LSAMP: variants seen among roughly 807,000 people sequenced by gnomAD.
LSAMP encodes the protein limbic system associated membrane protein, also known as limbic system-associated membrane protein.
Under a neutral mutation model 38.6 loss-of-function variants are expected in LSAMP, and 7 were observed. The ratio of observed to expected loss-of-function variants is 0.18; its 90% CI spans 0.10 to 0.34. The LOEUF (loss-of-function observed/expected upper bound fraction) is 0.34. Ranked by LOEUF, LSAMP falls within the 10% of genes least tolerant of loss-of-function variation. The probability of loss-of-function intolerance (pLI) is 1.00; values close to 1 mark genes in which losing one functional copy is unlikely to be tolerated. For synonymous variants in LSAMP, 154 were observed against 166.8 expected (o/e 0.92, Z 0.59); for missense variants, 313 against 420.0 (o/e 0.75, Z 2.23).
intron 1 of LSAMP, among the ~76,000 whole-genome samples, chr3:116,303,880 A>G (rs1559820890): frequency 6.6e-6 from 1 of 152,172 alleles, no homozygotes; most frequent in Non-Finnish European, 1.5e-5. Flanking sequence ...AACTGATGGA[A>G]CTGTTAAAGC....
At chr3:116,204,724 T>C (rs2046041910) in intron 1 of LSAMP, among the ~76,000 whole-genome samples, 1 of 151,702 alleles carries the variant, frequency 6.6e-6, no homozygotes, top group Admixed American at 6.6e-5. Flanking sequence ...ATATGCAGCG[T>C]TATTTCTGAG....
At chr3:116,046,600 C>T (rs780351834) in intron 2 of LSAMP, among the ~76,000 whole-genome samples, 170 of 152,212 alleles carry the variant, frequency 1.1e-3, no homozygotes, top group Middle Eastern at 0.01. Context: ...CTGGAGCAGA[C>T]GGAGGAATGA....
intron 1 of LSAMP, among the ~76,000 whole-genome samples, chr3:116,159,076 C>A (rs1709823252): frequency 6.6e-6 from 1 of 152,032 alleles, no homozygotes; most frequent in Non-Finnish European, 1.5e-5. Flanking sequence ...AAACTGGACC[C>A]CTTCTTTACA....
intron 1 of LSAMP, among the ~76,000 whole-genome samples, chr3:116,420,378 C>T (rs1403239582): frequency 6.6e-6 from 1 of 151,894 alleles, no homozygotes; most frequent in Non-Finnish European, 1.5e-5. Context: ...GATTACAGGC[C>T]TGAGCCATTG....
intron 3 of LSAMP, among the ~76,000 whole-genome samples, chr3:115,966,453 A>T (rs4580549): frequency 0.99 from 150,929 of 152,260 alleles, 74,818 homozygotes; most frequent in East Asian, 1. Flanking sequence ...CAATATAACC[A>T]CATTAGAAAA....
intron 4 of LSAMP, among the ~76,000 whole-genome samples, chr3:115,847,525 C>T (rs1041752647): frequency 2.6e-5 from 4 of 152,156 alleles, no homozygotes; most frequent in African/African-American, 9.7e-5. Flanking sequence ...CACCCAAAAT[C>T]TCATCTCAAA....
In LSAMP at chr3:116,020,694, G is replaced by A. The variant is rs1576312620; in HGVS notation, c.389-1054C>T. Reference sequence around the variant, plus strand: ...GGTGGCAACATTAGATCACACGTCGGTAGGCTTAAGTGGGGAGTGAATTAC... The same window carrying A: ...GGTGGCAACATTAGATCACACGTCGATAGGCTTAAGTGGGGAGTGAATTAC... On this transcript the variant is annotated intron_variant, in intron 2 of 6. Transcript: ENST00000490035. Among the ~76,000 whole-genome samples, 6 of 152,274 alleles carry A rather than the reference G, an allele frequency of 3.9e-5. No individual in the cohort carries two copies. In the South Asian group the frequency reaches 1.2e-3, roughly 32 times the overall value.
At chr3:116,256,475 T>C (rs751727898) in intron 1 of LSAMP, among the ~76,000 whole-genome samples, 1 of 152,216 alleles carries the variant, frequency 6.6e-6, no homozygotes, top group Non-Finnish European at 1.5e-5. Flanking sequence ...TAGTGTGATT[T>C]GCAGCTTGAG....
At chr3:116,291,778 C>A (rs925654260) in intron 1 of LSAMP, among the ~76,000 whole-genome samples, 1 of 152,112 alleles carries the variant, frequency 6.6e-6, no homozygotes, top group Non-Finnish European at 1.5e-5. Context: ...TGGCAGTGAC[C>A]CCCATTTGTA....
At chr3:116,368,300 C>G (rs796437736) in intron 1 of LSAMP, 1 of 152,104 alleles carries the variant, frequency 6.6e-6, no homozygotes, top group Non-Finnish European at 1.5e-5. Flanking sequence ...CTCCAAAAGA[C>G]GCATTTGCCA....
chr3:115,816,619 T>G (rs1454922435), intron 6 of LSAMP: 1 of 1,287,902 alleles, frequency 7.8e-7, no homozygotes, highest in South Asian at 1.2e-5. Flanking sequence ...CATACCTTTT[T>G]GCTTGAAGTG....
chr3:116,041,778 A>T (rs1336714888), intron 2 of LSAMP, among the ~76,000 whole-genome samples: 1 of 151,032 alleles, frequency 6.6e-6, no homozygotes, highest in Admixed American at 6.6e-5. Flanking sequence ...GGGAACCACA[A>T]AAGTAAATGA....
rs71141862 is a variant in LSAMP, at chr3:116,221,150, CAAAAAAAAAA to C, written c.156-134604_156-134595del. Among the ~76,000 whole-genome samples the C allele has an allele frequency of 7.5e-5, 4 of 53,186 alleles. 1 individual carries two copies. The South Asian group carries it at 3.6e-3, about 47-fold the overall frequency. The allele number at this position is 53,186 out of a possible 152,430, so 34.9% of individuals were successfully genotyped here. On this transcript the variant is annotated intron_variant, in intron 1 of 6. Transcript: ENST00000490035. ...TGTGTGACAGAGCGAGACTCTGTCTCAAAAAAAAAAAAAAAAAAAAGGAAAGGGGCAGCAA... is the reference window on the plus strand; with the variant it reads ...TGTGTGACAGAGCGAGACTCTGTCTCAAAAAAAAAAGGAAAGGGGCAGCAA...
chr3:115,804,762 C>A lies in LSAMP; in HGVS notation c.*5555G>T, dbSNP rs188417444. 4 of 152,034 alleles carry A rather than the reference C, an allele frequency of 2.6e-5. No individual in the cohort carries two copies. The highest frequency in any genetic ancestry group is 9.7e-5 in the African/African-American group (4 of 41,378). 9.4% of individuals were successfully genotyped at this position (152,034 alleles called of 1,614,324 possible). On this transcript the variant is annotated 3_prime_UTR_variant, in exon 7 of 7. Transcript: ENST00000490035. Reference sequence around the variant, plus strand: ...ATGATATATATGTCATCCTGTTACACGTGTCAGGCACTTCAAAAAGACTCC... The same window carrying A: ...ATGATATATATGTCATCCTGTTACAAGTGTCAGGCACTTCAAAAAGACTCC...
chr3:116,290,736 AT>A (rs1284396469), intron 1 of LSAMP, among the ~76,000 whole-genome samples: 8 of 48,182 alleles, frequency 1.7e-4, no homozygotes, highest in Non-Finnish European at 2.7e-4. Context: ...TCTCACAAAA[AT>A]AATAATAATA....
At chr3:115,839,652 A>G (rs757966013) in intron 6 of LSAMP, among the ~76,000 whole-genome samples, 4 of 152,178 alleles carry the variant, frequency 2.6e-5, no homozygotes, top group Non-Finnish European at 5.9e-5. Flanking sequence ...ACTTTCCCAT[A>G]AAAGTGGGAC....
intron 3 of LSAMP, among the ~76,000 whole-genome samples, chr3:115,918,247 T>C (rs1033419844): frequency 3.3e-5 from 5 of 152,198 alleles, no homozygotes; most frequent in Admixed American, 2.0e-4. Flanking sequence ...GACCACATTA[T>C]TCCAAATGAT....
rs754613210 is a variant in LSAMP at position 115,842,500 on chromosome 3, G to A, written c.728C>T (p.Ala243Val). The change falls in exon 5 of 7, where the codon GCA becomes GTA. Residue 243 changes from alanine (A) to valine (V), a missense_variant. Transcript: ENST00000490035. ...RQASLKCEAS[A>V]VPAPDFEWYR... ...CCACTCAAAGTCAGGTGCAGGCACTGCCGAGGCCTCACATTTGAGTGAAGC... is the reference window on the plus strand; with the variant it reads ...CCACTCAAAGTCAGGTGCAGGCACTACCGAGGCCTCACATTTGAGTGAAGC... The A allele has an allele frequency of 6.2e-7, 1 of 1,613,952 alleles. No individual in the cohort carries two copies. Among genetic ancestry groups the A allele is most frequent in the Non-Finnish European group, 8.5e-7 (1 of 1,179,874 alleles).
At chr3:115,927,543 G>A (rs552418831) in intron 3 of LSAMP, among the ~76,000 whole-genome samples, 2 of 152,048 alleles carry the variant, frequency 1.3e-5, no homozygotes, top group Non-Finnish European at 2.9e-5. Flanking sequence ...ACATAACCAT[G>A]GTTATGTATT....
Sources: gnomAD v4.1 joint callset for allele counts (sites outside exome capture counted in the v4.1 genomes callset) on GRCh38, gnomAD v4.1.1 for gene constraint, MANE v1.5 for transcripts, NCBI Gene and HGNC (gene_info 2026-07-23, HGNC 2026-07-21) for gene names.